Variants in CLDN14 observed in about 807,000 individuals in gnomAD.
The protein encoded by CLDN14 is claudin 14.
Under a neutral mutation model 2.1 loss-of-function variants are expected in CLDN14, and 2 were observed. That is an observed-to-expected ratio of 0.96 (90% confidence interval 0.39 to 3.01). The LOEUF (loss-of-function observed/expected upper bound fraction) is 3.01, where lower values mean the gene tolerates loss of function less well. Ranked by LOEUF, CLDN14 falls within the 30% of genes most tolerant of loss-of-function variation. The pLI, the probability that CLDN14 is intolerant of heterozygous loss-of-function variation, is 0.09. For synonymous variants in CLDN14, 136 were observed against 154.4 expected, an observed-to-expected ratio of 0.88 and a Z score of 0.88; for missense variants, 298 against 328.0, an observed-to-expected ratio of 0.91 and a Z score of 0.71.
chr21:36,570,673 T>C (rs991764266), intron 1 of CLDN14, among the ~76,000 whole-genome samples: 2 of 152,292 alleles, frequency 1.3e-5, no homozygotes, highest in African/African-American at 4.8e-5. Flanking sequence ...TTGGCATAAA[T>C]ATAGAAAACT....
At chr21:36,538,767 T>C (rs201735063) in intron 1 of CLDN14, among the ~76,000 whole-genome samples, 11 of 147,428 alleles carry the variant, frequency 7.5e-5, no homozygotes, top group South Asian at 4.3e-4. Flanking sequence ...CCATTTTTTT[T>C]CCACAGTTGG....
chr21:36,489,840 C>T (rs1255860794), intron 2 of CLDN14, among the ~76,000 whole-genome samples: 1 of 152,240 alleles, frequency 6.6e-6, no homozygotes, highest in Non-Finnish European at 1.5e-5. Flanking sequence ...CTGGGCCTCC[C>T]ATCCAAGCCC....
chr21:36,564,440 AC>A (rs1291125186), intron 1 of CLDN14, among the ~76,000 whole-genome samples: 36 of 152,306 alleles, frequency 2.4e-4, no homozygotes, highest in African/African-American at 8.2e-4. Flanking sequence ...TGACAGAACC[AC>A]CAGTAAAACC....
intron 1 of CLDN14, among the ~76,000 whole-genome samples, chr21:36,518,161 A>G (rs922617915): frequency 6.6e-6 from 1 of 152,040 alleles, no homozygotes; most frequent in Non-Finnish European, 1.5e-5. Flanking sequence ...AATTATCCCA[A>G]AGTTTCAGTT....
At chr21:36,540,604 GGA>G (rs1341635084) in intron 1 of CLDN14, among the ~76,000 whole-genome samples, 1 of 152,120 alleles carries the variant, frequency 6.6e-6, no homozygotes, top group African/African-American at 2.4e-5. Context: ...GGGGGTTTGA[GGA>G]GTGTCTCTTT....
chr21:36,467,112 A>G (rs219761), intron 1 of CLDN14, among the ~76,000 whole-genome samples: 118,663 of 152,158 alleles, frequency 0.78, 46,571 homozygotes, highest in Admixed American at 0.83. Flanking sequence ...CTCTGGTTTC[A>G]GGATCACCAG....
chr21:36,482,411 C>CGGAT (rs75061949), upstream of CLDN14, among the ~76,000 whole-genome samples: 37,331 of 142,156 alleles, frequency 0.26, 5,495 homozygotes, highest in African/African-American at 0.43. Context: ...GATGGATAGA[C>CGGAT]GGATGGATGG....
At chr21:36,505,983 C>T (rs1427736075) in intron 2 of CLDN14, among the ~76,000 whole-genome samples, 1 of 152,162 alleles carries the variant, frequency 6.6e-6, no homozygotes, top group Non-Finnish European at 1.5e-5. Flanking sequence ...AAAATGTAAA[C>T]AGTGAATACT....
At chr21:36,468,012 T>A (rs1205143684) in intron 1 of CLDN14, among the ~76,000 whole-genome samples, 4 of 152,232 alleles carry the variant, frequency 2.6e-5, no homozygotes, top group African/African-American at 9.6e-5. Context: ...GTGGTCTGAA[T>A]GGCTCTCGAG....
At chr21:36,494,395 G>T (rs970423075) in intron 2 of CLDN14, among the ~76,000 whole-genome samples, 1 of 152,166 alleles carries the variant, frequency 6.6e-6, no homozygotes, top group Non-Finnish European at 1.5e-5. Context: ...AGGGTCTCAC[G>T]AGGAGGAGAA....
intron 2 of CLDN14, among the ~76,000 whole-genome samples, chr21:36,505,104 G>C (rs997326635): frequency 6.6e-6 from 1 of 152,218 alleles, no homozygotes; most frequent in Non-Finnish European, 1.5e-5. Flanking sequence ...GAGCAATGCT[G>C]CTCAAATTCT....
intron 2 of CLDN14, among the ~76,000 whole-genome samples, chr21:36,506,990 G>A (rs927139313): frequency 6.6e-6 from 1 of 151,980 alleles, no homozygotes; most frequent in African/African-American, 2.4e-5. Flanking sequence ...GAGCATGGTG[G>A]TGTGTACCTG....
At chr21:36,494,098 G>A (rs1297885484) in intron 2 of CLDN14, among the ~76,000 whole-genome samples, 3 of 152,300 alleles carry the variant, frequency 2.0e-5, no homozygotes, top group Admixed American at 6.5e-5. Flanking sequence ...GAGCCCACCC[G>A]TGCTGGGTGG....
chr21:36,564,688 T>C (rs936465428), intron 1 of CLDN14, among the ~76,000 whole-genome samples: 2 of 152,222 alleles, frequency 1.3e-5, no homozygotes, highest in Non-Finnish European at 2.9e-5. Context: ...GTATGTTATG[T>C]TACATGCAAG....
chr21:36,549,931 G>A (rs767290979), intron 1 of CLDN14, among the ~76,000 whole-genome samples: 12 of 152,208 alleles, frequency 7.9e-5, no homozygotes, highest in Non-Finnish European at 1.6e-4. Context: ...TCATGTTACT[G>A]ATTCTCAACA....
chr21:36,478,949 C>T (rs564845894), intron 1 of CLDN14, among the ~76,000 whole-genome samples: 1 of 152,236 alleles, frequency 6.6e-6, no homozygotes, highest in East Asian at 1.9e-4. Flanking sequence ...ATTTTTTACC[C>T]TCATTGAGAG....
At chr21:36,525,715 C>T (rs993085012) in intron 1 of CLDN14, among the ~76,000 whole-genome samples, 30 of 152,266 alleles carry the variant, frequency 2.0e-4, no homozygotes, top group African/African-American at 5.8e-4. Context: ...ATGGTGAAGC[C>T]GAGGCTCTGC....
intron 1 of CLDN14, among the ~76,000 whole-genome samples, chr21:36,524,387 G>A (rs759035044): frequency 9.8e-5 from 15 of 152,336 alleles, no homozygotes; most frequent in Admixed American, 3.3e-4. Flanking sequence ...CTCCCAAAGT[G>A]CAGGGATAAC....
Position 36,461,084 on chromosome 21 carries a change from AGTGGTC to A in CLDN14, c.606_611del (p.Thr203_Thr204del). 1 of 1,614,060 alleles carries A rather than the reference AGTGGTC, an allele frequency of 6.2e-7. No homozygotes were observed. ...GCTGGTAGGCAGGTGCGGTGTTTGCAGTGGTCGTGGTGGCCCTGGGCGGGGCCTGGT... is the reference window on the plus strand; with the variant it reads ...GCTGGTAGGCAGGTGCGGTGTTTGCAGTGGTGGCCCTGGGCGGGGCCTGGT... On this transcript the variant is annotated inframe_deletion, in exon 2 of 2. Transcript: ENST00000399135.
Sources: gnomAD v4.1 joint callset for allele counts (sites outside exome capture counted in the v4.1 genomes callset) on GRCh38, gnomAD v4.1.1 for gene constraint, MANE v1.5 for transcripts, NCBI Gene and HGNC (gene_info 2026-07-23, HGNC 2026-07-21) for gene names.